The following LIFR variants were observed in gnomAD, a reference collection of about 807,000 sequenced individuals.
LIFR encodes leukemia inhibitory factor receptor.
LIFR carries 84 observed loss-of-function variants against 122.2 expected under a neutral mutation model. The observed-to-expected ratio is 0.69, with a 90% CI of 0.58 to 0.82. The LOEUF (loss-of-function observed/expected upper bound fraction) is 0.82. LIFR is among the 40% of genes least tolerant of loss of function. The pLI, the probability that LIFR is intolerant of heterozygous loss-of-function variation, is 0.00. For missense variants in LIFR, 1,294 were observed against 1,311.6 expected, an observed-to-expected ratio of 0.99 and a Z score of 0.21; for synonymous variants, 422 against 434.7, an observed-to-expected ratio of 0.97 and a Z score of 0.36.
intron 1 of LIFR, among the ~76,000 whole-genome samples, chr5:38,570,260 T>C (rs1237853247): frequency 6.6e-6 from 1 of 152,172 alleles, no homozygotes; most frequent in Non-Finnish European, 1.5e-5. Context: ...TACATGTAAG[T>C]GTTGGCTTAT....
At chr5:38,550,334 T>C in intron 1 of LIFR, 1 of 528,318 alleles carries the variant, frequency 1.9e-6, no homozygotes, top group Non-Finnish European at 2.4e-6. Flanking sequence ...CAATAAATGC[T>C]AGATTTTAAA....
chr5:38,563,389 GT>G (rs1748903032), intron 1 of LIFR, among the ~76,000 whole-genome samples: 1 of 152,126 alleles, frequency 6.6e-6, no homozygotes, highest in African/African-American at 2.4e-5. Context: ...TGACTCTCAG[GT>G]TGGGAGATTA....
intron 1 of LIFR, among the ~76,000 whole-genome samples, chr5:38,564,777 C>CACACACACAT (rs1748961840): frequency 7.5e-6 from 1 of 132,892 alleles, no homozygotes; most frequent in African/African-American, 2.8e-5. Context: ...CACACACACA[C>CACACACACAT]ATATATTTTT....
At chr5:38,502,852 C>T (rs1561150469) in intron 10 of LIFR, 53 bp from the exon 11 acceptor site, 31 of 1,024,132 alleles carry the variant, frequency 3.0e-5, no homozygotes, top group Non-Finnish European at 4.1e-5. Flanking sequence ...TGTATGAATA[C>T]ATATATATAT....
upstream of LIFR, among the ~76,000 whole-genome samples, chr5:38,561,539 A>G (rs914174637): frequency 6.6e-6 from 1 of 152,194 alleles, no homozygotes; most frequent in South Asian, 2.1e-4. Context: ...GCCAAGGTAT[A>G]TATATCTATT....
intron 1 of LIFR, among the ~76,000 whole-genome samples, chr5:38,551,014 C>CAGA (rs1416110193): frequency 1.3e-5 from 2 of 152,116 alleles, no homozygotes; most frequent in Non-Finnish European, 1.5e-5. Flanking sequence ...TCCACAAAAT[C>CAGA]AGACTCTCCC....
rs2112429788 is a variant in LIFR at position 38,496,378 on chromosome 5, T to C, written c.1885+4A>G. On this transcript the variant is annotated splice_donor_region_variant and intron_variant, in intron 13 of 19. Coordinates refer to ENST00000453190, the MANE Select transcript of LIFR (RefSeq NM_001127671.2). ...TTATATACTAAATCATCTCAAGCAC[T>C]CACCATTTGGAATTTCCATACTCGC... The C allele has an allele frequency of 6.2e-7, 1 of 1,605,718 alleles. No individual in the cohort carries two copies. The highest frequency in any genetic ancestry group is 2.2e-5 in the East Asian group (1 of 44,826).
At chr5:38,526,399 G>A (rs1388664224) in intron 4 of LIFR, among the ~76,000 whole-genome samples, 1 of 149,428 alleles carries the variant, frequency 6.7e-6, no homozygotes, top group African/African-American at 2.5e-5. Flanking sequence ...CTTACACATG[G>A]TAAGTACAAA....
rs1284221040 is a variant in LIFR, at chr5:38,478,456, T to C, written c.*3139A>G. 1 of 213,632 alleles carries C rather than the reference T, an allele frequency of 4.7e-6. No individual in the cohort carries two copies. Among genetic ancestry groups the C allele is most frequent in the Non-Finnish European group, 9.5e-6 (1 of 105,356 alleles). 13.2% of individuals were successfully genotyped at this position (213,632 alleles called of 1,614,324 possible). On this transcript the variant is annotated 3_prime_UTR_variant, in exon 20 of 20. Coordinates refer to ENST00000453190, the MANE Select transcript of LIFR (RefSeq NM_001127671.2). ...TAAACACACAACTCAACTATCCAGA[T>C]ACTCAGGGCCACAATCTCAAATCTA...
chr5:38,553,637 TA>T (rs1385594719), intron 1 of LIFR, among the ~76,000 whole-genome samples: 2 of 75,364 alleles, frequency 2.7e-5, no homozygotes, highest in East Asian at 6.9e-4. Context: ...TATATATATA[TA>T]TATATATATA....
At chr5:38,603,600 G>A (rs910191319) in intron 2 of LIFR, among the ~76,000 whole-genome samples, 2 of 152,110 alleles carry the variant, frequency 1.3e-5, no homozygotes, top group African/African-American at 4.8e-5. Flanking sequence ...CCAGACAAAG[G>A]GTGATGTGGG....
At chr5:38,530,134 G>C (rs1049354428) in intron 2 of LIFR, among the ~76,000 whole-genome samples, 2 of 152,196 alleles carry the variant, frequency 1.3e-5, no homozygotes, top group East Asian at 1.9e-4. Context: ...AGTGCTGGCA[G>C]GGGATGGGCC....
chr5:38,547,741 C>T (rs1747974746), intron 1 of LIFR, among the ~76,000 whole-genome samples: 1 of 152,102 alleles, frequency 6.6e-6, no homozygotes, highest in African/African-American at 2.4e-5. Context: ...GAGAGACGTG[C>T]TAGGCAATTT....
chr5:38,506,683 A>G (rs758992756), intron 7 of LIFR, 51 bp from the exon 8 acceptor site: 2 of 1,491,550 alleles, frequency 1.3e-6, no homozygotes, highest in Non-Finnish European at 1.9e-6. Context: ...TTTCCCTGAA[A>G]ACATAATATT....
intron 2 of LIFR, among the ~76,000 whole-genome samples, chr5:38,604,014 A>T (rs1750274613): frequency 6.6e-6 from 1 of 152,138 alleles, no homozygotes; most frequent in Non-Finnish European, 1.5e-5. Context: ...CATCTCATGG[A>T]CTCTAAGAGG....
At chr5:38,598,254 TTTTTTC>T (rs1275709353), upstream of LIFR, among the ~76,000 whole-genome samples, 6,064 of 64,504 alleles carry the variant, frequency 0.094, 788 homozygotes, top group African/African-American at 0.31. Context: ...TATTTTTTTT[TTTTTTC>T]TTTTTAGAGG....
At chr5:38,589,625 T>C (rs189300694) in intron 1 of LIFR, among the ~76,000 whole-genome samples, 1,762 of 152,240 alleles carry the variant, frequency 0.012, 17 homozygotes, top group Non-Finnish European at 0.02. Flanking sequence ...AATAATAGTA[T>C]ATGGAAAGTA....
At chr5:38,494,138 G>T (rs1421173528) in intron 13 of LIFR, among the ~76,000 whole-genome samples, 2 of 152,180 alleles carry the variant, frequency 1.3e-5, no homozygotes, top group Non-Finnish European at 2.9e-5. Flanking sequence ...GGAGACTGGG[G>T]AGGGGACAGT....
upstream of LIFR, among the ~76,000 whole-genome samples, chr5:38,599,218 C>T (rs1750179280): frequency 1.3e-5 from 2 of 152,214 alleles, no homozygotes; most frequent in African/African-American, 4.8e-5. Flanking sequence ...CCCATTCTGA[C>T]ATCTATAGGA....
Sources: gnomAD v4.1 joint callset for allele counts (sites outside exome capture counted in the v4.1 genomes callset) on GRCh38, gnomAD v4.1.1 for gene constraint, MANE v1.5 for transcripts, NCBI Gene and HGNC (gene_info 2026-07-23, HGNC 2026-07-21) for gene names.